The following RBFOX1 variants were observed in gnomAD, a reference collection of about 807,000 sequenced individuals.
The protein encoded by RBFOX1 is RNA binding fox-1 homolog 1, also known as RNA binding protein fox-1 homolog 1.
Under a neutral mutation model 57.7 loss-of-function variants are expected in RBFOX1, and 8 were observed. That is an observed-to-expected ratio of 0.14 (90% CI 0.08 to 0.25). The LOEUF (loss-of-function observed/expected upper bound fraction) is 0.25, where lower values mean the gene tolerates loss of function less well. Ranked by LOEUF, RBFOX1 falls within the 10% of genes least tolerant of loss-of-function variation. RBFOX1 has a pLI of 1.00. For synonymous variants in RBFOX1, 326 were observed against 222.4 expected, an observed-to-expected ratio of 1.47 and a Z score of -4.15; for missense variants, 611 against 548.5, an observed-to-expected ratio of 1.11 and a Z score of -1.14.
At chr16:6,617,062 G>C (rs544600011) in intron 2 of RBFOX1, among the ~76,000 whole-genome samples, 2 of 152,154 alleles carry the variant, frequency 1.3e-5, no homozygotes, top group Admixed American at 6.5e-5. Flanking sequence ...GTTGATCTTT[G>C]AGCAGGGTAC....
At chr16:7,451,135 A>G (rs1346613406) in intron 4 of RBFOX1, among the ~76,000 whole-genome samples, 1 of 152,202 alleles carries the variant, frequency 6.6e-6, no homozygotes, top group African/African-American at 2.4e-5. Context: ...AATCGTACTC[A>G]GAAAACATCC....
chr16:6,176,513 G>A (rs138453342), intron 1 of RBFOX1, among the ~76,000 whole-genome samples: 97 of 152,056 alleles, frequency 6.4e-4, no homozygotes, highest in Non-Finnish European at 9.7e-4. Context: ...CTCATTGTAA[G>A]AGGAGGCAAT....
intron 2 of RBFOX1, among the ~76,000 whole-genome samples, chr16:6,344,973 C>T (rs186994176): frequency 6.6e-6 from 1 of 152,062 alleles, no homozygotes; most frequent in African/African-American, 2.4e-5. Flanking sequence ...CCTGGTCTTA[C>T]AGAATCTTTG....
At chr16:6,446,860 C>G (rs1313055063) in intron 2 of RBFOX1, among the ~76,000 whole-genome samples, 3 of 152,134 alleles carry the variant, frequency 2.0e-5, no homozygotes, top group African/African-American at 7.2e-5. Flanking sequence ...CCACATAGCG[C>G]TCTTTTTACT....
At chr16:6,344,391 C>CTT (rs968842626) in intron 2 of RBFOX1, among the ~76,000 whole-genome samples, 1,383 of 94,138 alleles carry the variant, frequency 0.015, 23 homozygotes, top group African/African-American at 0.067. Context: ...CTCTCTTCTT[C>CTT]TTTTTTCTTT....
intron 3 of RBFOX1, among the ~76,000 whole-genome samples, chr16:5,681,582 G>C (rs769489559): frequency 6.6e-6 from 1 of 150,766 alleles, no homozygotes; most frequent in East Asian, 2.0e-4. Flanking sequence ...TAGTAGAGAC[G>C]GACTTTCTCC....
rs367635417 is a variant in RBFOX1 at position 5,864,885 on chromosome 16, G to C, written c.319-2418G>C. Among the ~76,000 whole-genome samples, 8 of 152,284 alleles carry C rather than the reference G, an allele frequency of 5.3e-5. No individual in the cohort carries two copies. In the East Asian group the frequency reaches 1.3e-3, roughly 26 times the overall value. The stretch of plus-strand genomic sequence containing the variant: ...CCTACTGTCTCTCCCACTATAGGTG[G>C]TTGAATATTCAAACCCTGTACTTTA... On this transcript the variant is annotated intron_variant, in intron 3 of 19. Transcript: ENST00000641259.
intron 3 of RBFOX1, among the ~76,000 whole-genome samples, chr16:5,774,819 A>G (rs1175061227): frequency 6.6e-6 from 1 of 152,154 alleles, no homozygotes; most frequent in African/African-American, 2.4e-5. Flanking sequence ...AGTAGCTGGG[A>G]TTGCAGGCAC....
intron 2 of RBFOX1, among the ~76,000 whole-genome samples, chr16:6,346,723 C>A (rs1040873167): frequency 1.3e-5 from 2 of 152,116 alleles, no homozygotes; most frequent in African/African-American, 4.8e-5. Context: ...CAAGAAATGC[C>A]TTTTTGAGGT....
chr16:7,137,261 G>C (rs2072288525), intron 4 of RBFOX1, among the ~76,000 whole-genome samples: 1 of 152,116 alleles, frequency 6.6e-6, no homozygotes, highest in African/African-American at 2.4e-5. Flanking sequence ...AACCTATTCT[G>C]ACCAGCACAG....
chr16:5,785,888 A>G (rs1386895830), intron 3 of RBFOX1, among the ~76,000 whole-genome samples: 2 of 152,032 alleles, frequency 1.3e-5, no homozygotes, highest in Admixed American at 1.3e-4. Flanking sequence ...ATTACGTTAG[A>G]CCACATCACC....
chr16:7,428,910 C>T (rs185340905), intron 4 of RBFOX1, among the ~76,000 whole-genome samples: 5 of 152,114 alleles, frequency 3.3e-5, no homozygotes, highest in Non-Finnish European at 7.4e-5. Context: ...ACACTACTCA[C>T]ATCTGCACAT....
intron 4 of RBFOX1, among the ~76,000 whole-genome samples, chr16:7,136,217 G>A (rs972942854): frequency 1.3e-5 from 2 of 152,020 alleles, no homozygotes; most frequent in Non-Finnish European, 2.9e-5. Flanking sequence ...CTTTGTGTTC[G>A]TCCATATGGT....
At chr16:7,567,128 T>TATATATATCC (rs2091875402) in intron 5 of RBFOX1, among the ~76,000 whole-genome samples, 2 of 130,556 alleles carry the variant, frequency 1.5e-5, no homozygotes, top group East Asian at 2.1e-4. Context: ...TATCTCCCTA[T>TATATATATCC]ATATGTATAT....
intron 4 of RBFOX1, among the ~76,000 whole-genome samples, chr16:5,997,440 G>A (rs1194678065): frequency 6.6e-6 from 1 of 152,194 alleles, no homozygotes; most frequent in Non-Finnish European, 1.5e-5. Context: ...AAAATCCAGA[G>A]CTTAACCACA....
chr16:7,524,350 G>C (rs1301489518), intron 5 of RBFOX1, among the ~76,000 whole-genome samples: 1 of 152,150 alleles, frequency 6.6e-6, no homozygotes, highest in Non-Finnish European at 1.5e-5. Context: ...TTCCCCACAG[G>C]CTGAGATGAG....
intron 3 of RBFOX1, among the ~76,000 whole-genome samples, chr16:6,793,686 C>A (rs1603624704): frequency 6.6e-6 from 1 of 152,240 alleles, no homozygotes; most frequent in African/African-American, 2.4e-5. Context: ...GAAATGAAAA[C>A]AGTGCATTGG....
At chr16:5,285,866 G>A (rs567863845) in intron 1 of RBFOX1, among the ~76,000 whole-genome samples, 113 of 152,250 alleles carry the variant, frequency 7.4e-4, no homozygotes, top group African/African-American at 2.5e-3. Flanking sequence ...CTGCCTCCCG[G>A]GTTCAAGCGA....
At chr16:7,091,160 C>G (rs756421293) in intron 4 of RBFOX1, among the ~76,000 whole-genome samples, 3 of 152,104 alleles carry the variant, frequency 2.0e-5, no homozygotes, top group Non-Finnish European at 4.4e-5. Context: ...AAACAAATAA[C>G]TCTTTCCATT....
Sources: gnomAD v4.1 joint callset for allele counts (sites outside exome capture counted in the v4.1 genomes callset) on GRCh38, gnomAD v4.1.1 for gene constraint, MANE v1.5 for transcripts, NCBI Gene and HGNC (gene_info 2026-07-23, HGNC 2026-07-21) for gene names.